GAB2: variants seen among roughly 807,000 people sequenced by gnomAD.
GAB2 encodes the protein GRB2-associated-binding protein 2.
A neutral mutation model predicts 65.5 loss-of-function variants in GAB2; 26 were observed. The ratio of observed to expected loss-of-function variants is 0.40; its 90% CI spans 0.29 to 0.55. The LOEUF is 0.55. Ranked by LOEUF, GAB2 falls within the 20% of genes least tolerant of loss-of-function variation. The pLI is 0.53. For synonymous variants in GAB2, 321 were observed against 329.6 expected, an observed-to-expected ratio of 0.97 and a Z score of 0.28; for missense variants, 884 against 875.8, an observed-to-expected ratio of 1.01 and a Z score of -0.12.
At chr11:78,295,335 A>G (rs1306832058) in intron 1 of GAB2, among the ~76,000 whole-genome samples, 1 of 152,182 alleles carries the variant, frequency 6.6e-6, no homozygotes, top group East Asian at 1.9e-4. Context: ...GGCTGTAACC[A>G]TATGTCCGAA....
intron 1 of GAB2, among the ~76,000 whole-genome samples, chr11:78,351,942 G>A (rs1443595019): frequency 6.6e-6 from 1 of 152,204 alleles, no homozygotes; most frequent in African/African-American, 2.4e-5. Flanking sequence ...GTCGAGCGCA[G>A]TGGCTCACAC....
chr11:78,413,062 G>C (rs543714839), intron 1 of GAB2, among the ~76,000 whole-genome samples: 3 of 152,350 alleles, frequency 2.0e-5, no homozygotes, highest in Admixed American at 6.5e-5. Flanking sequence ...TTACTGAGCA[G>C]ATGTGGAGTG....
chr11:78,364,296 C>A (rs981371695), intron 1 of GAB2, among the ~76,000 whole-genome samples: 5 of 152,138 alleles, frequency 3.3e-5, no homozygotes, highest in Non-Finnish European at 4.4e-5. Context: ...TGAACCACCG[C>A]ATGTGGCTCC....
At chr11:78,319,584 C>T (rs1272751980) in intron 1 of GAB2, among the ~76,000 whole-genome samples, 1 of 152,170 alleles carries the variant, frequency 6.6e-6, no homozygotes, top group South Asian at 2.1e-4. Flanking sequence ...GACATAATGA[C>T]AGAAACTGGA....
chr11:78,357,841 T>C (rs987860348), intron 1 of GAB2, among the ~76,000 whole-genome samples: 3 of 152,336 alleles, frequency 2.0e-5, no homozygotes, highest in African/African-American at 7.2e-5. Context: ...TTTTACACTG[T>C]TGGTGGGGCT....
intron 2 of GAB2, among the ~76,000 whole-genome samples, chr11:78,279,275 T>TA (rs926716333): frequency 5.9e-5 from 9 of 152,094 alleles, no homozygotes; most frequent in African/African-American, 2.2e-4. Flanking sequence ...AACTTCCTGT[T>TA]AAAAAAACTA....
At chr11:78,339,778 ACTC>A in intron 1 of GAB2, among the ~76,000 whole-genome samples, 1 of 152,172 alleles carries the variant, frequency 6.6e-6, no homozygotes, top group South Asian at 2.1e-4. Flanking sequence ...GTCTGAAATC[ACTC>A]CTCATAGATC....
At chr11:78,381,231 G>A (rs1856693784) in intron 1 of GAB2, among the ~76,000 whole-genome samples, 1 of 152,172 alleles carries the variant, frequency 6.6e-6, no homozygotes, top group African/African-American at 2.4e-5. Flanking sequence ...TTTACTAGAA[G>A]GTGGTCTTGA....
rs73496795 is a variant in GAB2, at chr11:78,327,736, A to T, written c.76-46835T>A. 6.3e-3 allele frequency among the ~76,000 whole-genome samples: 963 copies of T among 152,324 alleles called. 9 individuals are homozygous for T. Among genetic ancestry groups the T allele is most frequent in the African/African-American group, 0.022 (914 of 41,572 alleles). On this transcript the variant is annotated intron_variant, in intron 1 of 9. Transcript: ENST00000361507. ...AAATTTTGAAAATAATAATACATTT[A>T]AAAAAATCAGGATTTAAGGGCAAGA... is the stretch of plus-strand genomic sequence containing the variant.
At chr11:78,309,926 ATGTG>A (rs60718900) in intron 1 of GAB2, among the ~76,000 whole-genome samples, 8,769 of 135,462 alleles carry the variant, frequency 0.065, 289 homozygotes, top group South Asian at 0.094. Flanking sequence ...AGGGTTAGAA[ATGTG>A]TGTGTGTGTG....
At chr11:78,402,602 C>T (rs1395540524) in intron 1 of GAB2, among the ~76,000 whole-genome samples, 3 of 143,848 alleles carry the variant, frequency 2.1e-5, no homozygotes, top group Non-Finnish European at 3.0e-5. Flanking sequence ...ATTACAGGCA[C>T]GTACCACCAC....
chr11:78,383,803 G>A (rs535345432), intron 1 of GAB2, among the ~76,000 whole-genome samples: 76 of 152,218 alleles, frequency 5.0e-4, no homozygotes, highest in African/African-American at 1.7e-3. Context: ...GGAGTAGTGA[G>A]TCAGGGTAAG....
chr11:78,286,581 T>C (rs1866490652), intron 1 of GAB2, among the ~76,000 whole-genome samples: 1 of 152,084 alleles, frequency 6.6e-6, no homozygotes, highest in African/African-American at 2.4e-5. Context: ...GGAAGATCTG[T>C]TGATTTTTTT....
intron 1 of GAB2, among the ~76,000 whole-genome samples, chr11:78,308,024 A>C (rs545928604): frequency 1.3e-5 from 2 of 152,286 alleles, no homozygotes; most frequent in Admixed American, 6.5e-5. Flanking sequence ...TTCTTTTCTG[A>C]AGCTGAGACA....
Position 78,407,356 on chromosome 11 carries a change from C to T in GAB2, c.75+10290G>A, listed in dbSNP as rs376137558. 1.9e-3 allele frequency among the ~76,000 whole-genome samples: 285 copies of T among 152,012 alleles called. 1 individual carries two copies. Among genetic ancestry groups the T allele is most frequent in the African/African-American group, 6.7e-3 (278 of 41,476 alleles). On this transcript the variant is annotated intron_variant, in intron 1 of 9. Transcript: ENST00000361507. ...TCCAGAGAAAAAGATGGGAGCTGGTCGTGGTGGCTCACTCCTGTAATCCCA... is the reference window on the plus strand; with the variant it reads ...TCCAGAGAAAAAGATGGGAGCTGGTTGTGGTGGCTCACTCCTGTAATCCCA...
chr11:78,389,518 G>A (rs1856807852), intron 1 of GAB2, among the ~76,000 whole-genome samples: 1 of 152,144 alleles, frequency 6.6e-6, no homozygotes, highest in South Asian at 2.1e-4. Context: ...ATGTTGGTCA[G>A]ACTGGTCTCG....
At chr11:78,258,272 G>A (rs1045321211) in intron 2 of GAB2, among the ~76,000 whole-genome samples, 1 of 152,144 alleles carries the variant, frequency 6.6e-6, no homozygotes, top group African/African-American at 2.4e-5. Flanking sequence ...TCTTAATTCT[G>A]GGGCAGAGAC....
chr11:78,347,751 C>G (rs932625964), intron 1 of GAB2, among the ~76,000 whole-genome samples: 1 of 152,076 alleles, frequency 6.6e-6, no homozygotes, highest in African/African-American at 2.4e-5. Flanking sequence ...AAAAGAAAAA[C>G]TGAAAACTAA....
chr11:78,317,558 CA>C (rs370515492), intron 1 of GAB2, among the ~76,000 whole-genome samples: 1,048 of 60,750 alleles, frequency 0.017, no homozygotes, highest in African/African-American at 0.051. Flanking sequence ...GACTCCGTCT[CA>C]AAAAAAAAAA....
Sources: allele counts gnomAD v4.1 joint callset (sites outside exome capture counted in the v4.1 genomes callset), GRCh38; gene constraint gnomAD v4.1.1; transcripts MANE v1.5; gene names NCBI Gene and HGNC (gene_info 2026-07-23, HGNC 2026-07-21).